Variants in SEMA3E observed in about 807,000 individuals in gnomAD.
SEMA3E encodes the protein semaphorin 3E.
Under a neutral mutation model 93.6 loss-of-function variants are expected in SEMA3E, and 49 were observed. That is an observed-to-expected ratio of 0.52 (90% CI 0.42 to 0.66). The LOEUF (loss-of-function observed/expected upper bound fraction) is 0.66. SEMA3E is among the 30% of genes least tolerant of loss of function. The pLI is 0.00. For synonymous variants in SEMA3E, 363 were observed against 330.7 expected, an observed-to-expected ratio of 1.10 and a Z score of -1.06; for missense variants, 906 against 964.8, an observed-to-expected ratio of 0.94 and a Z score of 0.81.
Position 83,394,331 on chromosome 7 carries a change from A to T in SEMA3E, c.1466T>A (p.Val489Asp), listed in dbSNP as rs1262061378. 1 of 1,612,950 alleles carries T rather than the reference A, an allele frequency of 6.2e-7. No homozygotes were observed. The highest frequency in any genetic ancestry group is 8.5e-7 in the Non-Finnish European group (1 of 1,179,610). The change falls in exon 13 of 17, where the codon GTT (valine) becomes GAT (aspartate). Residue 489 changes from valine (V) to aspartate (D), a missense_variant. Coordinates refer to ENST00000643230, the MANE Select transcript of SEMA3E (RefSeq NM_012431.3). ...LEELQIFKDPVPIISMEISSK... is the reference protein window; with the variant it reads ...LEELQIFKDPDPIISMEISSK... ...AGAAATCTCCATAGAAATAATAGGA[A>T]CTGGATCCTGAAATTTTAAAAAAGT... is the stretch of plus-strand genomic sequence containing the variant.
chr7:83,556,620 T>C (rs762149555), intron 1 of SEMA3E, among the ~76,000 whole-genome samples: 16 of 152,154 alleles, frequency 1.1e-4, no homozygotes, highest in Admixed American at 2.6e-4. Flanking sequence ...CATGCCATAA[T>C]GGTGTAGATT....
At chr7:83,567,376 T>A (rs1792183497) in intron 1 of SEMA3E, among the ~76,000 whole-genome samples, 1 of 152,172 alleles carries the variant, frequency 6.6e-6, no homozygotes, top group South Asian at 2.1e-4. Context: ...CAATTAACTT[T>A]GGATTAAAAC....
chr7:83,394,982 A>C (rs552775171), intron 12 of SEMA3E, among the ~76,000 whole-genome samples: 8 of 152,336 alleles, frequency 5.3e-5, no homozygotes, highest in South Asian at 4.1e-4. Context: ...TGCAAGTGGA[A>C]AACCACAAGA....
chr7:83,648,366 T>A, intron 1 of SEMA3E, 62 bp downstream of exon 1: 1 of 1,301,742 alleles, frequency 7.7e-7, no homozygotes, highest in South Asian at 1.3e-5. Flanking sequence ...ACGACTTTTT[T>A]TTTCTTTTTT....
intron 1 of SEMA3E, among the ~76,000 whole-genome samples, chr7:83,591,689 A>T (rs1792759785): frequency 6.6e-6 from 1 of 152,052 alleles, no homozygotes; most frequent in Non-Finnish European, 1.5e-5. Flanking sequence ...ACAAGGTTTG[A>T]ACAAAATAAA....
At chr7:83,519,424 C>T (rs893049996) in intron 1 of SEMA3E, among the ~76,000 whole-genome samples, 3 of 152,160 alleles carry the variant, frequency 2.0e-5, no homozygotes, top group African/African-American at 7.2e-5. Flanking sequence ...TCAAGCCTAT[C>T]ACCCAGCTTC....
intron 1 of SEMA3E, among the ~76,000 whole-genome samples, chr7:83,494,790 C>A (rs1476141007): frequency 6.6e-6 from 1 of 151,984 alleles, no homozygotes; most frequent in Non-Finnish European, 1.5e-5. Context: ...CCAGCTCCCA[C>A]ATCACCACAG....
At chr7:83,522,420 G>T (rs961551091) in intron 1 of SEMA3E, among the ~76,000 whole-genome samples, 2 of 152,044 alleles carry the variant, frequency 1.3e-5, no homozygotes. Flanking sequence ...TAAAAGCCCA[G>T]GTCCCTCGAC....
At chr7:83,498,353 T>A (rs1184686639) in intron 1 of SEMA3E, among the ~76,000 whole-genome samples, 1 of 152,164 alleles carries the variant, frequency 6.6e-6, no homozygotes, top group African/African-American at 2.4e-5. Flanking sequence ...TATCTGGAGT[T>A]TCAGAGGAAT....
chr7:83,452,797 A>G (rs1789391929), intron 4 of SEMA3E, among the ~76,000 whole-genome samples: 1 of 152,178 alleles, frequency 6.6e-6, no homozygotes, highest in South Asian at 2.1e-4. Flanking sequence ...GATGTTTTAA[A>G]ATCACAAAAA....
At chr7:83,542,292 T>A (rs894561831) in intron 1 of SEMA3E, among the ~76,000 whole-genome samples, 1 of 151,936 alleles carries the variant, frequency 6.6e-6, no homozygotes, top group African/African-American at 2.4e-5. Context: ...CTCAAGAATT[T>A]GAGGTTACAG....
At chr7:83,426,041 C>T (rs979266671) in intron 4 of SEMA3E, among the ~76,000 whole-genome samples, 3 of 152,056 alleles carry the variant, frequency 2.0e-5, no homozygotes, top group African/African-American at 7.2e-5. Context: ...TCACACCAGT[C>T]AGAATGGCTA....
rs115457469 is a variant in SEMA3E, at chr7:83,557,896, C to T, written c.116-67622G>A. 6.0e-3 allele frequency among the ~76,000 whole-genome samples: 919 copies of T among 152,188 alleles called. 9 individuals are homozygous for T. The highest frequency in any genetic ancestry group is 0.021 in the African/African-American group (883 of 41,520). ...ACATTAGCACTTTGTCCAAAATGTA[C>T]ACAATAGGCTTCCAAAATATTTAGC... is the stretch of plus-strand genomic sequence containing the variant. On this transcript the variant is annotated intron_variant, in intron 1 of 16. Transcript: ENST00000643230.
chr7:83,589,089 G>A (rs949564889), intron 1 of SEMA3E, among the ~76,000 whole-genome samples: 7 of 152,246 alleles, frequency 4.6e-5, no homozygotes, highest in African/African-American at 9.6e-5. Context: ...AGCATCAAGC[G>A]CCGCCTCAGC....
At chr7:83,431,103 A>AAAG (rs34369434) in intron 4 of SEMA3E, among the ~76,000 whole-genome samples, 105,967 of 147,236 alleles carry the variant, frequency 0.72, 38,810 homozygotes, top group East Asian at 0.99. Context: ...AGAAAAAAAA[A>AAAG]AAAAGCCCAA....
chr7:83,390,031 GTATA>G (rs1787975113), intron 14 of SEMA3E, among the ~76,000 whole-genome samples: 1 of 133,276 alleles, frequency 7.5e-6, no homozygotes, highest in Non-Finnish European at 1.6e-5. Flanking sequence ...ATGTGTATAC[GTATA>G]CACATATATG....
chr7:83,628,159 G>A (rs1793711947), intron 1 of SEMA3E, among the ~76,000 whole-genome samples: 1 of 152,130 alleles, frequency 6.6e-6, no homozygotes, highest in African/African-American at 2.4e-5. Flanking sequence ...CTCTCTTCTG[G>A]CTTGTAGGGC....
intron 4 of SEMA3E, among the ~76,000 whole-genome samples, chr7:83,421,466 A>C (rs1282411244): frequency 7.0e-6 from 1 of 142,278 alleles, no homozygotes; most frequent in Non-Finnish European, 1.6e-5. Context: ...ATCTCCATTA[A>C]GTATACTACA....
chr7:83,518,675 G>A (rs1040839189), intron 1 of SEMA3E, among the ~76,000 whole-genome samples: 31 of 152,056 alleles, frequency 2.0e-4, no homozygotes, highest in African/African-American at 5.3e-4. Flanking sequence ...GTAAAGGTGC[G>A]ACAGACCTCA....
Sources: allele counts gnomAD v4.1 joint callset (sites outside exome capture counted in the v4.1 genomes callset), GRCh38; gene constraint gnomAD v4.1.1; transcripts MANE v1.5; gene names NCBI Gene and HGNC (gene_info 2026-07-23, HGNC 2026-07-21).